The following HECW1 variants were observed in gnomAD, a reference collection of about 807,000 sequenced individuals.
HECW1 encodes E3 ubiquitin-protein ligase HECW1.
HECW1 carries 61 observed loss-of-function variants against 182.3 expected under a neutral mutation model. The observed-to-expected ratio is 0.33, with a 90% CI of 0.27 to 0.41. The LOEUF (loss-of-function observed/expected upper bound fraction) is 0.41. Ranked by LOEUF, HECW1 falls within the 10% of genes least tolerant of loss-of-function variation. HECW1 has a pLI of 1.00. For synonymous variants in HECW1, 859 were observed against 832.6 expected (o/e 1.03, Z -0.55); for missense variants, 1,739 against 2,108.9 (o/e 0.82, Z 3.44).
chr7:43,209,254 G>A (rs941501027), intron 2 of HECW1, among the ~76,000 whole-genome samples: 4 of 152,024 alleles, frequency 2.6e-5, no homozygotes, highest in East Asian at 3.9e-4. Flanking sequence ...CATACGGCAC[G>A]CTGGCCCCCT....
chr7:43,512,197 G>C (rs1368761715), intron 24 of HECW1: 1 of 223,354 alleles, frequency 4.5e-6, no homozygotes, highest in African/African-American at 2.2e-5. Context: ...AGATTACAAG[G>C]CTTTCTATGG....
chr7:43,345,791 C>CAA (rs1813595688), intron 5 of HECW1, among the ~76,000 whole-genome samples: 1 of 45,084 alleles, frequency 2.2e-5, no homozygotes, highest in African/African-American at 7.1e-5. Context: ...AGTATTCCAT[C>CAA]ATATATATAC....
chr7:43,312,187 G>C, intron 4 of HECW1, 100 bp downstream of exon 4: 1 of 1,100,678 alleles, frequency 9.1e-7, no homozygotes. Context: ...ACAAGCAACT[G>C]TGTTATATGC....
chr7:43,550,589 G>T lies in HECW1; in HGVS notation c.4393G>T (p.Glu1465Ter). The change falls in exon 27 of 30, where the codon GAG becomes TAG. Residue 1465 changes from glutamate (E) to a stop codon, truncating the protein, a stop_gained and splice_region_variant. Coordinates refer to ENST00000395891, the MANE Select transcript of HECW1 (RefSeq NM_015052.5). LOFTEE classifies it high-confidence loss of function. ...CGAGGCGCTGGTGCGCGGCTTCTAC[G>T]AGGTGAGGCCCGGTGGCCTGGGGAA... Reference protein sequence around the residue: ...QTEALVRGFYEVVDSRLVSVF... With the variant: ...QTEALVRGFY The T allele has an allele frequency of 6.2e-7, 1 of 1,600,016 alleles. No individual in the cohort carries two copies. The highest frequency in any genetic ancestry group is 8.5e-7 in the Non-Finnish European group (1 of 1,173,714).
intron 2 of HECW1, among the ~76,000 whole-genome samples, chr7:43,236,323 G>C (rs1798333860): frequency 6.6e-6 from 1 of 152,072 alleles, no homozygotes; most frequent in Non-Finnish European, 1.5e-5. Flanking sequence ...CCATTCATGG[G>C]GGGGAAAAGC....
chr7:43,442,599 C>T lies in HECW1; in HGVS notation c.1015C>T (p.Arg339Ter). 1.9e-6 allele frequency: 3 copies of T among 1,613,676 alleles called. No individual in the cohort carries two copies. The highest frequency in any genetic ancestry group is 1.3e-5 in the African/African-American group (1 of 75,020). The part of the protein sequence containing the change: ...TDHVSGQLQF[R>*]FEITSSIHPD... The stretch of plus-strand genomic sequence containing the variant: ...TCATGTGAGTGGACAGCTGCAATTC[C>T]GATTTGAGATCACTTCCTCCATCCA... The change falls in exon 10 of 30, where the codon CGA (arginine) becomes TGA (stop). Residue 339 changes from arginine to a stop codon, truncating the protein, a stop_gained. Coordinates refer to ENST00000395891, the MANE Select transcript of HECW1 (RefSeq NM_015052.5). LOFTEE classifies it high-confidence loss of function.
At chr7:43,293,165 A>C (rs374800384) in intron 3 of HECW1, among the ~76,000 whole-genome samples, 2 of 147,160 alleles carry the variant, frequency 1.4e-5, no homozygotes, top group African/African-American at 5.2e-5. Flanking sequence ...GGTTGCAGTA[A>C]GCCGAGATTG....
At chr7:43,404,317 C>T (rs2075530677) in intron 7 of HECW1, among the ~76,000 whole-genome samples, 1 of 152,174 alleles carries the variant, frequency 6.6e-6, no homozygotes, top group Non-Finnish European at 1.5e-5. Flanking sequence ...GAAACATGTG[C>T]TCTTGAGTAG....
intron 4 of HECW1, among the ~76,000 whole-genome samples, chr7:43,320,252 C>G (rs1000841725): frequency 4.6e-5 from 7 of 152,164 alleles, no homozygotes; most frequent in African/African-American, 1.4e-4. Context: ...TATGTCTCGC[C>G]CTTAGGCTCA....
intron 3 of HECW1, among the ~76,000 whole-genome samples, chr7:43,254,977 A>G (rs895470372): frequency 7.9e-5 from 12 of 152,196 alleles, no homozygotes; most frequent in African/African-American, 2.4e-4. Context: ...TAGCTTTGTC[A>G]TTCCTTGCTG....
At chr7:43,203,378 G>A (rs986424999) in intron 2 of HECW1, among the ~76,000 whole-genome samples, 1 of 151,738 alleles carries the variant, frequency 6.6e-6, no homozygotes, top group Admixed American at 6.6e-5. Context: ...TTCCTTCTTC[G>A]ATTATTTTTT....
intron 2 of HECW1, among the ~76,000 whole-genome samples, chr7:43,213,867 G>A (rs1796219689): frequency 6.6e-6 from 1 of 151,976 alleles, no homozygotes; most frequent in Non-Finnish European, 1.5e-5. Flanking sequence ...AATTTTGTTG[G>A]GGACTTAGAA....
At chr7:43,326,487 T>C (rs1417459976) in intron 5 of HECW1, among the ~76,000 whole-genome samples, 1 of 152,160 alleles carries the variant, frequency 6.6e-6, no homozygotes, top group African/African-American at 2.4e-5. Context: ...AAGTGATATA[T>C]GTCCTCCACA....
At chr7:43,454,048 G>A (rs2077321374) in intron 12 of HECW1, among the ~76,000 whole-genome samples, 1 of 152,144 alleles carries the variant, frequency 6.6e-6, no homozygotes, top group Non-Finnish European at 1.5e-5. Context: ...CCAGCTGTTT[G>A]GCTTACTACA....
intron 2 of HECW1, among the ~76,000 whole-genome samples, chr7:43,123,707 G>A (rs1413522140): frequency 6.6e-6 from 1 of 152,032 alleles, no homozygotes; most frequent in Non-Finnish European, 1.5e-5. Flanking sequence ...GGCCAGGGTG[G>A]CAGATGTTTC....
At chr7:43,557,531 G>A (rs1004993262) in intron 29 of HECW1, among the ~76,000 whole-genome samples, 3 of 152,242 alleles carry the variant, frequency 2.0e-5, no homozygotes, top group Non-Finnish European at 2.9e-5. Flanking sequence ...TGTCACTGGA[G>A]TTGAGGTCAA....
chr7:43,354,504 T>A (rs1315845840), intron 5 of HECW1, among the ~76,000 whole-genome samples: 2 of 152,126 alleles, frequency 1.3e-5, no homozygotes, highest in Non-Finnish European at 2.9e-5. Context: ...AACTGAGAAA[T>A]ATATTTGCTG....
chr7:43,271,430 G>A (rs11982538), intron 3 of HECW1, among the ~76,000 whole-genome samples: 9 of 151,970 alleles, frequency 5.9e-5, no homozygotes, highest in Non-Finnish European at 8.8e-5. Context: ...CTTTCTTCCC[G>A]AATTATATGA....
chr7:43,291,452 C>T (rs554154325), intron 3 of HECW1, among the ~76,000 whole-genome samples: 3 of 152,202 alleles, frequency 2.0e-5, no homozygotes, highest in Non-Finnish European at 2.9e-5. Flanking sequence ...CAAGCTGGAA[C>T]GTTCCTGTGA....
Sources: allele counts gnomAD v4.1 joint callset (sites outside exome capture counted in the v4.1 genomes callset), GRCh38; gene constraint gnomAD v4.1.1; transcripts MANE v1.5; gene names NCBI Gene and HGNC (gene_info 2026-07-23, HGNC 2026-07-21).